STPG2: variants seen among roughly 807,000 people sequenced by gnomAD.
STPG2 encodes sperm tail PG-rich repeat containing 2.
In STPG2, 56 loss-of-function variants were observed where a neutral mutation model predicts 54.2. The observed-to-expected ratio is 1.03, with a 90% CI of 0.83 to 1.29. The LOEUF (loss-of-function observed/expected upper bound fraction) is 1.29. Ranked by LOEUF, STPG2 falls within the 50% of genes most tolerant of loss-of-function variation. The pLI, the probability that STPG2 is intolerant of heterozygous loss-of-function variation, is 0.00. For missense variants in STPG2, 596 were observed against 544.9 expected, an observed-to-expected ratio of 1.09 and a Z score of -0.93; for synonymous variants, 200 against 181.8, an observed-to-expected ratio of 1.10 and a Z score of -0.81.
chr4:97,594,042 A>G (rs945564003), intron 10 of STPG2, among the ~76,000 whole-genome samples: 1 of 152,254 alleles, frequency 6.6e-6, no homozygotes, highest in African/African-American at 2.4e-5. Context: ...ACGTCAGCCC[A>G]TACAGATGAG....
At chr4:97,874,581 T>C (rs1730107523) in intron 8 of STPG2, among the ~76,000 whole-genome samples, 1 of 151,794 alleles carries the variant, frequency 6.6e-6, no homozygotes, top group South Asian at 2.1e-4. Flanking sequence ...TAAGTTTGCA[T>C]TTTCTAGAGT....
chr4:97,441,656 T>C (rs1160041575), intron 4 of STPG2: 1 of 152,032 alleles, frequency 6.6e-6, no homozygotes, highest in Non-Finnish European at 1.5e-5. Context: ...AGATATAAAA[T>C]TTCACAAAAT....
chr4:97,451,436 T>C (rs1332079672), intron 4 of STPG2, among the ~76,000 whole-genome samples: 1 of 150,692 alleles, frequency 6.6e-6, no homozygotes. Context: ...GGAGAGGAGG[T>C]AGAACAGCAA....
intron 10 of STPG2, among the ~76,000 whole-genome samples, chr4:97,670,439 A>G (rs1427749097): frequency 6.6e-6 from 1 of 152,216 alleles, no homozygotes; most frequent in African/African-American, 2.4e-5. Flanking sequence ...AATTTAAATA[A>G]TCCATTCAAA....
chr4:97,784,818 A>T lies in STPG2; in HGVS notation c.1204+55955T>A, dbSNP rs1726773995. ...AACTATATAATGAGTTAATCTATGC[A>T]TGAATTCTTGTTAGATGTTTTAGTC... is the stretch of plus-strand genomic sequence containing the variant. On this transcript the variant is annotated intron_variant, in intron 9 of 10. Transcript: ENST00000295268. 2.6e-5 allele frequency among the ~76,000 whole-genome samples: 4 copies of T among 152,074 alleles called. No individual in the cohort carries two copies. In the South Asian group the frequency reaches 8.3e-4, roughly 31 times the overall value.
At chr4:97,973,295 C>T (rs774917010) in intron 6 of STPG2, among the ~76,000 whole-genome samples, 3 of 152,058 alleles carry the variant, frequency 2.0e-5, no homozygotes, top group African/African-American at 7.2e-5. Flanking sequence ...GCATTTTGCC[C>T]CTGTCTTAGA....
At chr4:97,688,776 A>G (rs1723277703) in intron 10 of STPG2, among the ~76,000 whole-genome samples, 1 of 152,216 alleles carries the variant, frequency 6.6e-6, no homozygotes, top group Admixed American at 6.5e-5. Context: ...AATGAAGAAA[A>G]TAAAGATTAA....
intron 4 of STPG2, among the ~76,000 whole-genome samples, chr4:97,543,460 G>A (rs766590894): frequency 2.7e-5 from 4 of 150,698 alleles, no homozygotes; most frequent in South Asian, 4.2e-4. Context: ...TTTTCCTTAC[G>A]GGAAAAAAAA....
intron 9 of STPG2, among the ~76,000 whole-genome samples, chr4:97,723,434 T>C (rs557213302): frequency 6.6e-6 from 1 of 152,258 alleles, no homozygotes; most frequent in South Asian, 2.1e-4. Context: ...ATGCAATATA[T>C]TCATGCAGCA....
chr4:97,894,894 CAG>C (rs929031520), intron 8 of STPG2, among the ~76,000 whole-genome samples: 14 of 151,968 alleles, frequency 9.2e-5, no homozygotes, highest in African/African-American at 2.9e-4. Context: ...ATTCAAGTGA[CAG>C]TGCAAAGAAA....
intron 8 of STPG2, among the ~76,000 whole-genome samples, chr4:97,868,974 T>C (rs79827965): frequency 0.012 from 1,894 of 151,986 alleles, 35 homozygotes; most frequent in African/African-American, 0.043. Flanking sequence ...GAACCAGAAG[T>C]CTTTTGATAT....
At chr4:97,810,778 T>C (rs1727710998) in intron 9 of STPG2, among the ~76,000 whole-genome samples, 1 of 152,222 alleles carries the variant, frequency 6.6e-6, no homozygotes. Context: ...TCCACATTTA[T>C]ATAAAATGTT....
At chr4:98,119,008 G>C (rs143431844) in intron 3 of STPG2, among the ~76,000 whole-genome samples, 308 of 152,216 alleles carry the variant, frequency 2.0e-3, no homozygotes, top group Middle Eastern at 3.4e-3. Context: ...TTAAAAAATA[G>C]AGTTAGAAAA....
chr4:97,805,237 C>T (rs1489763636), intron 9 of STPG2, among the ~76,000 whole-genome samples: 4 of 152,160 alleles, frequency 2.6e-5, no homozygotes, highest in Non-Finnish European at 5.9e-5. Flanking sequence ...GATGGAGTCT[C>T]ACTATGTTGC....
intron 3 of STPG2, among the ~76,000 whole-genome samples, chr4:98,128,159 GAC>G (rs1739881570): frequency 6.6e-6 from 1 of 152,132 alleles, no homozygotes; most frequent in Admixed American, 6.5e-5. Context: ...CCTAGAGGAT[GAC>G]AGAAGCACAA....
At chr4:97,616,092 A>ATATATATATATATATATGTATG (rs764342142) in intron 10 of STPG2, among the ~76,000 whole-genome samples, 1 of 63,290 alleles carries the variant, frequency 1.6e-5, no homozygotes, top group Non-Finnish European at 3.5e-5. Flanking sequence ...ATATATATAT[A>ATATATATATATATATATGTATG]TATGTATGTA....
At chr4:97,503,354 G>T (rs772087021) in intron 4 of STPG2, among the ~76,000 whole-genome samples, 1 of 151,886 alleles carries the variant, frequency 6.6e-6, no homozygotes, top group Non-Finnish European at 1.5e-5. Context: ...TGAGAAGACC[G>T]CATAGTTTAA....
chr4:97,738,471 C>T (rs919675652), intron 9 of STPG2, among the ~76,000 whole-genome samples: 1 of 152,146 alleles, frequency 6.6e-6, no homozygotes, highest in African/African-American at 2.4e-5. Context: ...AAACCCATCT[C>T]ACGTGCAGAG....
Position 98,036,036 on chromosome 4 carries a change from T to C in STPG2, c.613-54718A>G, listed in dbSNP as rs1015062814. Among the ~76,000 whole-genome samples, 7 of 152,100 alleles carry C rather than the reference T, an allele frequency of 4.6e-5. No homozygotes were observed. The South Asian group carries it at 1.4e-3, about 31-fold the overall frequency. ...GTGCAGCAAACCACCATGGCACATG[T>C]ATACCTCTGTAACAAACCTACATGT... On this transcript the variant is annotated intron_variant, in intron 5 of 10. Coordinates refer to ENST00000295268, the MANE Select transcript of STPG2 (RefSeq NM_174952.3).
Sources: gnomAD v4.1 joint callset for allele counts (sites outside exome capture counted in the v4.1 genomes callset) on GRCh38, gnomAD v4.1.1 for gene constraint, MANE v1.5 for transcripts, NCBI Gene and HGNC (gene_info 2026-07-23, HGNC 2026-07-21) for gene names.